Variants in KCNQ5 observed in about 807,000 individuals in gnomAD.
KCNQ5 encodes potassium voltage-gated channel subfamily Q member 5, also known as potassium voltage-gated channel subfamily KQT member 5.
Under a neutral mutation model 98.2 loss-of-function variants are expected in KCNQ5, and 30 were observed. The observed-to-expected ratio is 0.31, with a 90% CI of 0.23 to 0.41. The LOEUF is 0.41. Ranked by LOEUF, KCNQ5 falls within the 10% of genes least tolerant of loss-of-function variation. The probability of loss-of-function intolerance (pLI) is 1.00; values close to 1 mark genes in which losing one functional copy is unlikely to be tolerated. For synonymous variants in KCNQ5, 458 were observed against 449.4 expected (o/e 1.02, Z -0.24); for missense variants, 835 against 1,182.5 (o/e 0.71, Z 4.31).
At chr6:72,624,076 G>A (rs2098916900) in intron 1 of KCNQ5, among the ~76,000 whole-genome samples, 1 of 152,132 alleles carries the variant, frequency 6.6e-6, no homozygotes, top group Non-Finnish European at 1.5e-5. Context: ...CCAACTTTCC[G>A]TTTTACAATG....
intron 1 of KCNQ5, among the ~76,000 whole-genome samples, chr6:72,805,868 G>A (rs911149493): frequency 3.3e-5 from 5 of 151,838 alleles, no homozygotes; most frequent in South Asian, 2.1e-4. Flanking sequence ...AATTTTCATC[G>A]TAGAACTCTT....
At chr6:72,672,118 A>AT (rs1186332695) in intron 1 of KCNQ5, among the ~76,000 whole-genome samples, 3,068 of 121,460 alleles carry the variant, frequency 0.025, 39 homozygotes, top group Admixed American at 0.034. Flanking sequence ...GCCTGGCCTA[A>AT]TTTTTTTTTT....
chr6:73,084,766 C>T (rs888859518), intron 5 of KCNQ5, among the ~76,000 whole-genome samples: 4 of 152,184 alleles, frequency 2.6e-5, no homozygotes, highest in Non-Finnish European at 4.4e-5. Flanking sequence ...TTCTGAAGAA[C>T]GGGTGCCCTT....
At chr6:72,792,543 C>T (rs1033922429) in intron 1 of KCNQ5, among the ~76,000 whole-genome samples, 3 of 152,134 alleles carry the variant, frequency 2.0e-5, no homozygotes, top group Admixed American at 6.6e-5. Context: ...ATTTCAGTGA[C>T]GATGGGTCAT....
At chr6:72,670,353 A>G (rs921370329) in intron 1 of KCNQ5, among the ~76,000 whole-genome samples, 9 of 152,062 alleles carry the variant, frequency 5.9e-5, no homozygotes, top group African/African-American at 2.2e-4. Flanking sequence ...TAATGTTCAT[A>G]TTTCTACCTA....
At chr6:72,828,435 C>G (rs1025073657) in intron 1 of KCNQ5, among the ~76,000 whole-genome samples, 1 of 151,998 alleles carries the variant, frequency 6.6e-6, no homozygotes, top group Non-Finnish European at 1.5e-5. Flanking sequence ...TTATAGAGGA[C>G]TTTCACCTTC....
chr6:72,632,204 C>A (rs2098921304), intron 1 of KCNQ5, among the ~76,000 whole-genome samples: 1 of 142,426 alleles, frequency 7.0e-6, no homozygotes. Context: ...GTGGCGCGAT[C>A]CCCGCTCACT....
chr6:73,176,555 C>G (rs762367344), intron 11 of KCNQ5, among the ~76,000 whole-genome samples: 10 of 152,164 alleles, frequency 6.6e-5, no homozygotes, highest in Admixed American at 6.5e-4. Context: ...AAAGATGACT[C>G]TGATTGCAAT....
chr6:72,751,496 G>A (rs534110209), intron 1 of KCNQ5, among the ~76,000 whole-genome samples: 1 of 152,030 alleles, frequency 6.6e-6, no homozygotes, highest in African/African-American at 2.4e-5. Flanking sequence ...GAAATGTAAA[G>A]TAAATATACA....
intron 1 of KCNQ5, among the ~76,000 whole-genome samples, chr6:72,759,625 T>A (rs781221431): frequency 6.6e-6 from 1 of 152,144 alleles, no homozygotes; most frequent in Non-Finnish European, 1.5e-5. Flanking sequence ...TCTCAGGTTG[T>A]GCCCCTTTCT....
At chr6:72,889,306 G>A (rs1199224098) in intron 1 of KCNQ5, among the ~76,000 whole-genome samples, 1 of 152,208 alleles carries the variant, frequency 6.6e-6, no homozygotes, top group African/African-American at 2.4e-5. Context: ...GAATGAGGCA[G>A]AGGGGAAGCA....
intron 1 of KCNQ5, among the ~76,000 whole-genome samples, chr6:72,745,530 A>C (rs1771352200): frequency 6.6e-6 from 1 of 152,228 alleles, no homozygotes; most frequent in Non-Finnish European, 1.5e-5. Flanking sequence ...TATGGGAATA[A>C]TAATGCAGCC....
intron 1 of KCNQ5, among the ~76,000 whole-genome samples, chr6:72,738,871 A>ACAT (rs1266336597): frequency 6.6e-6 from 1 of 152,234 alleles, no homozygotes; most frequent in Non-Finnish European, 1.5e-5. Context: ...GATAGTTAAA[A>ACAT]CATCAGTGGT....
At chr6:73,160,043 T>C (rs1777550613) in intron 10 of KCNQ5, among the ~76,000 whole-genome samples, 1 of 152,160 alleles carries the variant, frequency 6.6e-6, no homozygotes, top group African/African-American at 2.4e-5. Context: ...AGACAGAGTC[T>C]CGCTCTGTCG....
At chr6:72,756,207 G>A (rs539503800) in intron 1 of KCNQ5, among the ~76,000 whole-genome samples, 9 of 152,102 alleles carry the variant, frequency 5.9e-5, no homozygotes, top group Non-Finnish European at 1.3e-4. Context: ...TGTCCCTCTT[G>A]AGGGGCATAT....
chr6:73,056,781 C>T (rs1211329346), intron 3 of KCNQ5, among the ~76,000 whole-genome samples: 1 of 152,110 alleles, frequency 6.6e-6, no homozygotes, highest in East Asian at 1.9e-4. Flanking sequence ...AGAATGCCAT[C>T]CCATGCACAC....
chr6:72,942,758 AC>A (rs1766368492), intron 1 of KCNQ5, among the ~76,000 whole-genome samples: 1 of 152,172 alleles, frequency 6.6e-6, no homozygotes, highest in Admixed American at 6.5e-5. Flanking sequence ...CAGTGTCTAA[AC>A]CTAACAAGTC....
At chr6:72,747,163 C>G (rs923549230) in intron 1 of KCNQ5, among the ~76,000 whole-genome samples, 2 of 151,992 alleles carry the variant, frequency 1.3e-5, no homozygotes, top group Admixed American at 1.3e-4. Flanking sequence ...AGCCACAAAC[C>G]TCAGGGGTTA....
Position 73,040,200 on chromosome 6 carries a change from T to A in KCNQ5, c.490-1736T>A, listed in dbSNP as rs748040881. ...AAGAACAATGGACATATTGGTGTCA[T>A]CTGTTTCCATGAAAAAGAAAAATTA... is the stretch of plus-strand genomic sequence containing the variant. On this transcript the variant is annotated intron_variant, in intron 2 of 13. Coordinates refer to ENST00000370398, the MANE Select transcript of KCNQ5 (RefSeq NM_019842.4). 3.9e-4 allele frequency among the ~76,000 whole-genome samples: 59 copies of A among 152,232 alleles called. 1 individual carries two copies. Among genetic ancestry groups the A allele is most frequent in the Non-Finnish European group, 7.8e-4 (53 of 68,036 alleles).
Sources: allele counts gnomAD v4.1 joint callset (sites outside exome capture counted in the v4.1 genomes callset), GRCh38; gene constraint gnomAD v4.1.1; transcripts MANE v1.5; gene names NCBI Gene and HGNC (gene_info 2026-07-23, HGNC 2026-07-21).